The following GABRB2 variants were observed in gnomAD, a reference collection of about 807,000 sequenced individuals.
The protein encoded by GABRB2 is gamma-aminobutyric acid receptor subunit beta-2.
Under a neutral mutation model 54.7 loss-of-function variants are expected in GABRB2, and 16 were observed. The observed-to-expected ratio is 0.29, with a 90% CI of 0.20 to 0.44. The LOEUF (loss-of-function observed/expected upper bound fraction) is 0.44. GABRB2 is among the 20% of genes least tolerant of loss of function. The probability of loss-of-function intolerance (pLI) is 1.00; values close to 1 mark genes in which losing one functional copy is unlikely to be tolerated. For synonymous variants in GABRB2, 244 were observed against 233.8 expected, an observed-to-expected ratio of 1.04 and a Z score of -0.40; for missense variants, 355 against 644.0, an observed-to-expected ratio of 0.55 and a Z score of 4.86.
intron 5 of GABRB2, among the ~76,000 whole-genome samples, chr5:161,361,817 C>A (rs1754817023): frequency 1.3e-5 from 2 of 152,132 alleles, no homozygotes; most frequent in South Asian, 4.1e-4. Flanking sequence ...CAGCCAGACC[C>A]TGCCTTTATA....
At chr5:161,343,673 C>T (rs1157670461) in intron 5 of GABRB2, among the ~76,000 whole-genome samples, 2 of 151,878 alleles carry the variant, frequency 1.3e-5, no homozygotes, top group African/African-American at 4.8e-5. Context: ...ACAAAATAGC[C>T]ACAACAACAA....
At chr5:161,369,705 C>T (rs1437150964) in intron 5 of GABRB2, among the ~76,000 whole-genome samples, 4 of 152,074 alleles carry the variant, frequency 2.6e-5, no homozygotes, top group South Asian at 2.1e-4. Context: ...ATGGAATTTT[C>T]ATAACAGGTT....
At chr5:161,512,999 G>T (rs1482456784) in intron 3 of GABRB2, among the ~76,000 whole-genome samples, 1 of 150,674 alleles carries the variant, frequency 6.6e-6, no homozygotes, top group South Asian at 2.1e-4. Context: ...AAACCACAGT[G>T]AGATACCATC....
intron 3 of GABRB2, among the ~76,000 whole-genome samples, chr5:161,504,175 T>C (rs1432674010): frequency 7.2e-5 from 11 of 152,178 alleles, no homozygotes; most frequent in Admixed American, 7.2e-4. Flanking sequence ...AGAAGGATAT[T>C]GAAGATGTGA....
At chr5:161,416,695 T>TAAAAAAAAAAAAAAA (rs1756678918) in intron 4 of GABRB2, among the ~76,000 whole-genome samples, 1 of 6,314 alleles carries the variant, frequency 1.6e-4, no homozygotes, top group Non-Finnish European at 3.7e-4. Context: ...AGACTCCGTC[T>TAAAAAAAAAAAAAAA]CAAAAAAAAA....
intron 9 of GABRB2, among the ~76,000 whole-genome samples, chr5:161,297,751 A>C (rs932485628): frequency 4.6e-5 from 7 of 152,222 alleles, no homozygotes; most frequent in African/African-American, 1.7e-4. Flanking sequence ...ATATGTGTGC[A>C]TGTGTCTTTA....
intron 5 of GABRB2, among the ~76,000 whole-genome samples, chr5:161,383,082 G>A (rs1359814822): frequency 2.0e-5 from 3 of 152,156 alleles, no homozygotes; most frequent in African/African-American, 7.2e-5. Context: ...TAATTGACAA[G>A]TAAAGATTGC....
At chr5:161,505,420 C>T (rs376364374) in intron 3 of GABRB2, among the ~76,000 whole-genome samples, 3 of 152,116 alleles carry the variant, frequency 2.0e-5, no homozygotes, top group African/African-American at 4.8e-5. Context: ...CGTGAGCCAC[C>T]GCACCCAGCC....
chr5:161,525,247 T>C (rs946935614), intron 3 of GABRB2, among the ~76,000 whole-genome samples: 1 of 151,308 alleles, frequency 6.6e-6, no homozygotes, highest in African/African-American at 2.4e-5. Flanking sequence ...ACATCAATAA[T>C]GTTTTGGCCA....
chr5:161,528,171 G>T (rs1430487876), intron 3 of GABRB2, among the ~76,000 whole-genome samples: 4 of 151,620 alleles, frequency 2.6e-5, no homozygotes, highest in African/African-American at 9.7e-5. Flanking sequence ...AACATTAAGA[G>T]CAAAAATCAT....
chr5:161,530,590 T>C (rs1581062253), intron 3 of GABRB2, among the ~76,000 whole-genome samples: 2 of 152,252 alleles, frequency 1.3e-5, no homozygotes. Flanking sequence ...CAATGTCTTA[T>C]AGAAGAGAAA....
chr5:161,308,629 T>A (rs1321374374), intron 9 of GABRB2, among the ~76,000 whole-genome samples: 1 of 152,188 alleles, frequency 6.6e-6, no homozygotes, highest in Non-Finnish European at 1.5e-5. Flanking sequence ...AGGGCTACAG[T>A]AATCAAAACA....
intron 3 of GABRB2, among the ~76,000 whole-genome samples, chr5:161,523,720 C>G (rs1581057313): frequency 6.6e-6 from 1 of 151,524 alleles, no homozygotes. Context: ...TGGTGACCAA[C>G]AAATAAGAAC....
intron 5 of GABRB2, among the ~76,000 whole-genome samples, chr5:161,400,975 G>T (rs1019195123): frequency 7.9e-5 from 12 of 152,248 alleles, no homozygotes; most frequent in African/African-American, 2.9e-4. Context: ...AGGGGGTGAT[G>T]TCTACTGCTA....
intron 3 of GABRB2, among the ~76,000 whole-genome samples, chr5:161,529,324 G>A (rs1760381992): frequency 6.6e-6 from 1 of 151,962 alleles, no homozygotes; most frequent in Non-Finnish European, 1.5e-5. Flanking sequence ...CATTTAGGAA[G>A]CTGGCATGCT....
Position 161,303,231 on chromosome 5 carries a change from T to C in GABRB2, c.1192-8803A>G, listed in dbSNP as rs150042434. ...AAACTTATGTTTATGGATTCAAACC[T>C]ATGCTTTTTCTACTAATTGTTTTCA... On this transcript the variant is annotated intron_variant, in intron 9 of 9. Transcript: ENST00000393959. Among the ~76,000 whole-genome samples the C allele has an allele frequency of 7.2e-3, 1,092 of 152,310 alleles. 13 individuals carry two copies. The highest frequency in any genetic ancestry group is 0.024 in the African/African-American group (992 of 41,558).
chr5:161,330,797 C>A, intron 8 of GABRB2, 86 bp downstream of exon 8: 1 of 1,566,706 alleles, frequency 6.4e-7, no homozygotes, highest in South Asian at 1.2e-5. Flanking sequence ...TTGGTTTCCT[C>A]ATTTGCTCAA....
chr5:161,517,754 T>C (rs1345288327), intron 3 of GABRB2, among the ~76,000 whole-genome samples: 2 of 151,932 alleles, frequency 1.3e-5, no homozygotes, highest in Non-Finnish European at 2.9e-5. Flanking sequence ...ACACATCTTA[T>C]CTAAATTCTG....
intron 9 of GABRB2, among the ~76,000 whole-genome samples, chr5:161,307,135 T>C (rs2113356150): frequency 6.6e-6 from 1 of 152,330 alleles, no homozygotes; most frequent in African/African-American, 2.4e-5. Context: ...TCCTCCTTCC[T>C]CACCACTACA....
Sources: gnomAD v4.1 joint callset for allele counts (sites outside exome capture counted in the v4.1 genomes callset) on GRCh38, gnomAD v4.1.1 for gene constraint, MANE v1.5 for transcripts, NCBI Gene and HGNC (gene_info 2026-07-23, HGNC 2026-07-21) for gene names.